Variants in SPHKAP observed in about 807,000 individuals in gnomAD.
SPHKAP encodes the protein SPHK1 interactor, AKAP domain containing.
Under a neutral mutation model 137.5 loss-of-function variants are expected in SPHKAP, and 67 were observed. The observed-to-expected ratio is 0.49, with a 90% confidence interval of 0.40 to 0.60. SPHKAP has a LOEUF of 0.60. Among genes scored for constraint, SPHKAP ranks in the 20% least tolerant of loss-of-function variants. The pLI is 0.00. For missense variants in SPHKAP, 2,097 were observed against 2,069.3 expected, an observed-to-expected ratio of 1.01 and a Z score of -0.26; for synonymous variants, 813 against 785.3, an observed-to-expected ratio of 1.04 and a Z score of -0.59.
intron 3 of SPHKAP, among the ~76,000 whole-genome samples, chr2:228,103,900 A>G (rs992218571): frequency 3.3e-5 from 5 of 152,126 alleles, no homozygotes; most frequent in Non-Finnish European, 7.3e-5. Flanking sequence ...ATTAAGGAGA[A>G]TCATGTCTGC....
intron 11 of SPHKAP, among the ~76,000 whole-genome samples, chr2:227,990,049 C>A (rs1454981048): frequency 6.6e-6 from 1 of 152,210 alleles, no homozygotes. Flanking sequence ...CTGAGAGCAG[C>A]CCTCTGCTGA....
chr2:227,987,455 C>G (rs1693253418), intron 11 of SPHKAP, among the ~76,000 whole-genome samples: 1 of 152,148 alleles, frequency 6.6e-6, no homozygotes. Flanking sequence ...CTCTTGCTCA[C>G]TGTATCTCCA....
At chr2:228,007,042 G>C (rs2106191137) in intron 7 of SPHKAP, among the ~76,000 whole-genome samples, 1 of 152,318 alleles carries the variant, frequency 6.6e-6, no homozygotes. Flanking sequence ...TCTATGCTGG[G>C]AGAACCACTA....
intron 1 of SPHKAP, among the ~76,000 whole-genome samples, chr2:228,138,190 C>G (rs1699493068): frequency 6.6e-6 from 1 of 152,160 alleles, no homozygotes; most frequent in Non-Finnish European, 1.5e-5. Flanking sequence ...CTAGTAAGCA[C>G]CCCGTTAGGA....
intron 2 of SPHKAP, among the ~76,000 whole-genome samples, chr2:228,117,430 T>C (rs2106358571): frequency 6.6e-6 from 1 of 152,232 alleles, no homozygotes; most frequent in Middle Eastern, 3.4e-3. Flanking sequence ...GCTCCTGTTG[T>C]AGTTCTAGGC....
At chr2:228,004,486 G>A (rs1313823870) in intron 7 of SPHKAP, among the ~76,000 whole-genome samples, 2 of 152,186 alleles carry the variant, frequency 1.3e-5, no homozygotes, top group East Asian at 1.9e-4. Context: ...TATCAATTTT[G>A]TTGATCTTTT....
At chr2:228,106,192 T>C (rs1183751312) in intron 3 of SPHKAP, among the ~76,000 whole-genome samples, 2 of 152,188 alleles carry the variant, frequency 1.3e-5, no homozygotes, top group Non-Finnish European at 2.9e-5. Flanking sequence ...TGTTCCTCAA[T>C]AAAAATATTA....
chr2:228,169,099 T>C (rs1435605874), intron 1 of SPHKAP, among the ~76,000 whole-genome samples: 2 of 152,050 alleles, frequency 1.3e-5, no homozygotes, highest in African/African-American at 2.4e-5. Context: ...CCAGCAGAGG[T>C]TGGTTCATGA....
chr2:228,105,702 C>T (rs1698320017), intron 3 of SPHKAP, among the ~76,000 whole-genome samples: 1 of 152,042 alleles, frequency 6.6e-6, no homozygotes, highest in Non-Finnish European at 1.5e-5. Flanking sequence ...GTGACGGTGA[C>T]TAAGTCTCAC....
At chr2:228,155,631 A>C (rs1035121210) in intron 1 of SPHKAP, among the ~76,000 whole-genome samples, 1 of 152,182 alleles carries the variant, frequency 6.6e-6, no homozygotes, top group African/African-American at 2.4e-5. Flanking sequence ...AGCCATTGGC[A>C]TAGCAGGTTT....
chr2:228,158,793 C>A (rs116681996), intron 1 of SPHKAP, among the ~76,000 whole-genome samples: 1 of 152,276 alleles, frequency 6.6e-6, no homozygotes, highest in African/African-American at 2.4e-5. Context: ...GTCTGCTCTG[C>A]CTTTCCCTAG....
chr2:228,019,803 T>C lies in SPHKAP; in HGVS notation c.1051A>G (p.Lys351Glu), dbSNP rs1397519403. The change falls in exon 7 of 12, where the codon AAA becomes GAA. Residue 351 changes from lysine to glutamate, a missense_variant. By Grantham distance (56) the Lys-to-Glu change is moderately conservative (BLOSUM62 1). Transcript: ENST00000392056. ...PKDAYFSMMD[K>E]DVPSACAVAE... ...ACAGCACATGCAGAAGGTACATCTT[T>C]ATCCATCATGGAGAAATAAGCATCT... 2 of 1,614,144 alleles carry C rather than the reference T, an allele frequency of 1.2e-6. No homozygotes were observed. The highest frequency in any genetic ancestry group is 3.3e-5 in the Admixed American group (2 of 60,006).
chr2:228,108,539 T>C (rs897713748), intron 3 of SPHKAP, among the ~76,000 whole-genome samples: 10 of 152,186 alleles, frequency 6.6e-5, no homozygotes, highest in African/African-American at 2.4e-4. Flanking sequence ...TGAATGGCTT[T>C]CTACTTCTCA....
intron 2 of SPHKAP, among the ~76,000 whole-genome samples, chr2:228,124,443 T>A (rs1015305661): frequency 3.6e-4 from 55 of 152,086 alleles, no homozygotes; most frequent in Admixed American, 7.2e-4. Context: ...GGGACATGGA[T>A]GAAGCTGGAA....
At chr2:228,096,964 C>A (rs1698006467) in intron 3 of SPHKAP, among the ~76,000 whole-genome samples, 1 of 152,058 alleles carries the variant, frequency 6.6e-6, no homozygotes. Flanking sequence ...TAAAAATTTA[C>A]CCTGAGAATC....
At chr2:228,058,579 C>T (rs147309814) in intron 3 of SPHKAP, among the ~76,000 whole-genome samples, 20 of 152,220 alleles carry the variant, frequency 1.3e-4, no homozygotes, top group Middle Eastern at 3.4e-3. Context: ...ACCTGTGCCC[C>T]GCTCCCCGTT....
In SPHKAP at chr2:227,982,253, G is replaced by T. The variant is rs1280773329; in HGVS notation, c.4960-393C>A. 4.1e-6 allele frequency: 4 copies of T among 985,126 alleles called. No homozygotes were observed. The African/African-American group carries it at 7.0e-5, about 17-fold the overall frequency. The allele number at this position is 985,126 out of a possible 1,614,324, so 61.0% of individuals were successfully genotyped here. A position where few individuals can be genotyped will look rare whatever the true frequency, so the allele number is the denominator to read the frequency against. ...TCCCTTCTATTTCTATCACAAATAA[G>T]ATCTCATTGGGTGTGTAAATTTAGG... On this transcript the variant is annotated intron_variant, in intron 11 of 11. Coordinates refer to ENST00000392056, the MANE Select transcript of SPHKAP (RefSeq NM_001142644.2).
At chr2:228,095,800 TAA>T (rs908831737) in intron 3 of SPHKAP, among the ~76,000 whole-genome samples, 1 of 152,152 alleles carries the variant, frequency 6.6e-6, no homozygotes, top group Non-Finnish European at 1.5e-5. Flanking sequence ...TGCAAGAATA[TAA>T]GAGTGTAGTG....
intron 11 of SPHKAP, among the ~76,000 whole-genome samples, chr2:227,990,532 T>C (rs1366842024): frequency 6.6e-6 from 1 of 152,166 alleles, no homozygotes; most frequent in Admixed American, 6.5e-5. Context: ...TTTATATTTC[T>C]GGTAGGTGGA....
Sources: gnomAD v4.1 joint callset for allele counts (sites outside exome capture counted in the v4.1 genomes callset) on GRCh38, gnomAD v4.1.1 for gene constraint, MANE v1.5 for transcripts, NCBI Gene and HGNC (gene_info 2026-07-23, HGNC 2026-07-21) for gene names.